The following OSCAR variants were observed in gnomAD, a reference collection of about 807,000 sequenced individuals.
The protein encoded by OSCAR is osteoclast associated Ig-like receptor, also known as osteoclast-associated immunoglobulin-like receptor.
In OSCAR, 25 loss-of-function variants were observed where a neutral mutation model predicts 27.3. The ratio of observed to expected loss-of-function variants is 0.92; its 90% CI spans 0.67 to 1.28. The LOEUF (loss-of-function observed/expected upper bound fraction) is 1.28. OSCAR is among the 50% of genes most tolerant of loss of function. The pLI, the probability that OSCAR is intolerant of heterozygous loss-of-function variation, is 0.00. For missense variants in OSCAR, 354 were observed against 355.1 expected, an observed-to-expected ratio of 1.00 and a Z score of 0.03; for synonymous variants, 158 against 165.7, an observed-to-expected ratio of 0.95 and a Z score of 0.36.
At chr19:54,099,276 A>G (rs967624419) in intron 2 of OSCAR, among the ~76,000 whole-genome samples, 4 of 117,518 alleles carry the variant, frequency 3.4e-5, no homozygotes, top group Admixed American at 1.1e-4. Context: ...GTTTCACCAC[A>G]TTAGCCAGGA....
intron 4 of OSCAR, 61 bp downstream of exon 4, chr19:54,095,810 CG>C (rs2072629332): frequency 6.5e-6 from 10 of 1,548,540 alleles, no homozygotes; most frequent in Non-Finnish European, 8.7e-6. Flanking sequence ...GGTCTGAGGG[CG>C]GAGGTCCTGG....
chr19:54,095,638 G>A (rs1272595360), intron 4 of OSCAR: 2 of 1,027,806 alleles, frequency 1.9e-6, no homozygotes, highest in Non-Finnish European at 2.8e-6. Context: ...AGGTACTGGG[G>A]CCCGGGAATC....
At chr19:54,099,900 C>T (rs1317003103) in intron 1 of OSCAR, 120 bp from the exon 2 acceptor site, 7 of 1,193,682 alleles carry the variant, frequency 5.9e-6, no homozygotes, top group Non-Finnish European at 4.6e-6. Context: ...GCAACCTCTG[C>T]CTCCCAGGTT....
rs1182038461 is a variant in OSCAR at position 54,095,931 on chromosome 19, G to T, written c.596C>A (p.Thr199Lys). ...APGTYSCYYH[T>K]PSAPYVLSQR... ...CGACAGCACGTAGGGCGCGGAGGGC[G>T]TGTGATAGTAGCAGCTGTAGGTGCC... The change falls in exon 4 of 5, where the codon ACG becomes AAG. Residue 199 changes from threonine to lysine, a missense_variant. Physicochemically the swap from Thr to Lys is moderately conservative, Grantham distance 78 (BLOSUM62 -1). Coordinates refer to ENST00000358375, the MANE Select transcript of OSCAR (RefSeq NM_133169.6). 6.3e-7 allele frequency: 1 copy of T among 1,585,848 alleles called. No homozygotes were observed. The highest frequency in any genetic ancestry group is 8.6e-7 in the Non-Finnish European group (1 of 1,166,412).
chr19:54,100,737 GAAGA>G lies in OSCAR; in HGVS notation c.37+15_37+18del. 1 of 1,551,438 alleles carries G rather than the reference GAAGA, an allele frequency of 6.4e-7. No individual in the cohort carries two copies. The highest frequency in any genetic ancestry group is 1.2e-5 in the South Asian group (1 of 84,050). On this transcript the variant is annotated intron_variant, in intron 1 of 4. Coordinates refer to ENST00000358375, the MANE Select transcript of OSCAR (RefSeq NM_133169.6). ...CCAACCCCAGCCAGGAACCCAGGGA[GAAGA>G]AAGGGGTGACTCACAGAGGGTCAGC...
Position 54,099,229 on chromosome 19 carries a change from A to ATTTTTTT in OSCAR, c.70+512_70+518dup, listed in dbSNP as rs1228940404. Reference sequence around the variant, plus strand: ...AGGTGCGTCCCACCACACCCGGCTAATTTTTTTTTTTTTTTTTTTTTTTTA... The same window carrying ATTTTTTT: ...AGGTGCGTCCCACCACACCCGGCTAATTTTTTTTTTTTTTTTTTTTTTTTTTTTTTTA... On this transcript the variant is annotated intron_variant, in intron 2 of 4. Transcript: ENST00000358375. Among the ~76,000 whole-genome samples the ATTTTTTT allele has an allele frequency of 9.6e-4, 79 of 82,410 alleles. 1 individual carries two copies. Among genetic ancestry groups the ATTTTTTT allele is most frequent in the East Asian group, 3.1e-3 (6 of 1,928 alleles). The allele number at this position is 82,410 out of a possible 152,430, so 54.1% of individuals were successfully genotyped here.
chr19:54,096,146 C>G lies in OSCAR; in HGVS notation c.381G>C (p.Leu127=). The change falls in exon 4 of 5, where the codon CTG becomes CTC. Residue 127 remains leucine (L), a synonymous_variant. Transcript: ENST00000358375. ...GCAGCGCCACCAGCGACGGCCGCGG[C>G]AGCTCCTCTGCAGAGACGGGGTGAG... ...DVLELLVTEE[L]PRPSLVALPG... The G allele has an allele frequency of 6.6e-7, 1 of 1,520,354 alleles. No individual in the cohort carries two copies. Among genetic ancestry groups the G allele is most frequent in the Non-Finnish European group, 8.8e-7 (1 of 1,141,090 alleles). 94.2% of individuals were successfully genotyped at this position (1,520,354 alleles called of 1,614,324 possible).
At chr19:54,098,339 T>C (rs1039248160) in intron 2 of OSCAR, among the ~76,000 whole-genome samples, 15 of 151,898 alleles carry the variant, frequency 9.9e-5, no homozygotes, top group African/African-American at 3.6e-4. Context: ...CCAAGGTGGG[T>C]GCATCACCTG....
chr19:54,098,955 C>T (rs1158374930), intron 2 of OSCAR, among the ~76,000 whole-genome samples: 1 of 151,644 alleles, frequency 6.6e-6, no homozygotes, highest in African/African-American at 2.4e-5. Flanking sequence ...TGCACTCCGG[C>T]CTGGGCGACA....
chr19:54,096,504 G>C (rs1198177764), intron 3 of OSCAR, among the ~76,000 whole-genome samples: 5 of 85,188 alleles, frequency 5.9e-5, no homozygotes, highest in African/African-American at 2.1e-4. Context: ...CTCTCTCTCT[G>C]CCTCCCTCTC....
In OSCAR at chr19:54,098,243, A is replaced by C. The variant is rs587644754; in HGVS notation, c.71-1079T>G. 3.9e-5 allele frequency among the ~76,000 whole-genome samples: 6 copies of C among 152,284 alleles called. No individual in the cohort carries two copies. The South Asian group carries it at 1.2e-3, about 32-fold the overall frequency. ...ACAAATGATAGTACTGGCAGATATC[A>C]CTTATTCACAAATCACACAAATTAA... On this transcript the variant is annotated intron_variant, in intron 2 of 4. Transcript: ENST00000358375.
intron 2 of OSCAR, among the ~76,000 whole-genome samples, chr19:54,098,670 T>C (rs1281486457): frequency 2.0e-5 from 3 of 151,728 alleles, no homozygotes; most frequent in African/African-American, 7.3e-5. Flanking sequence ...GGTGACACAA[T>C]GAGACCCCAT....
chr19:54,099,331 A>C (rs2072926408), intron 2 of OSCAR, among the ~76,000 whole-genome samples: 1 of 147,012 alleles, frequency 6.8e-6, no homozygotes, highest in African/African-American at 2.5e-5. Flanking sequence ...TGCCTCCCAA[A>C]GTGCTGGGAT....
At chr19:54,100,441 GC>G (rs2072990572) in intron 1 of OSCAR, among the ~76,000 whole-genome samples, 3 of 152,068 alleles carry the variant, frequency 2.0e-5, no homozygotes, top group Non-Finnish European at 4.4e-5. Flanking sequence ...CCTGTTCCCA[GC>G]CCCCTTTTCC....
At chr19:54,099,440 A>T in intron 2 of OSCAR, 1 of 823,208 alleles carries the variant, frequency 1.2e-6, no homozygotes, top group Non-Finnish European at 2.1e-6. Context: ...ATGAGATCTC[A>T]CAGCGGCCCA....
chr19:54,097,835 A>C (rs662133), intron 2 of OSCAR, among the ~76,000 whole-genome samples: 1 of 150,740 alleles, frequency 6.6e-6, no homozygotes, highest in Admixed American at 6.7e-5. Context: ...TCTTGGGCTC[A>C]AGCAATCCTC....
At position 54,097,584 on chromosome 19, in the gene OSCAR, C is replaced by CTTTTT. The variant is rs33998262; in HGVS notation, c.71-425_71-421dup. ...ACAAGCTTGTGCCACCACACCCAGA[C>CTTTTT]TTTTTTTTTTTTTTTTTTTTTTTTT... is the stretch of plus-strand genomic sequence containing the variant. On this transcript the variant is annotated intron_variant, in intron 2 of 4. Coordinates refer to ENST00000358375, the MANE Select transcript of OSCAR (RefSeq NM_133169.6). Among the ~76,000 whole-genome samples the CTTTTT allele has an allele frequency of 3.5e-3, 132 of 37,460 alleles. 12 individuals carry two copies. Among genetic ancestry groups the CTTTTT allele is most frequent in the African/African-American group, 0.012 (107 of 8,726 alleles). 24.6% of individuals were successfully genotyped at this position (37,460 alleles called of 152,430 possible).
Position 54,096,903 on chromosome 19 carries a change from A to C in OSCAR, c.332T>G (p.Val111Gly). 6.2e-7 allele frequency: 1 copy of C among 1,613,950 alleles called. No individual in the cohort carries two copies. The highest frequency in any genetic ancestry group is 8.5e-7 in the Non-Finnish European group (1 of 1,179,952). Residue 111 changes from valine to glycine, a missense_variant, in exon 3 of 5, where the codon GTC (valine) becomes GGC (glycine). Coordinates refer to ENST00000358375, the MANE Select transcript of OSCAR (RefSeq NM_133169.6). ...CYRRPDWGPG[V>G]WSQPSDVLEL... ...CAGGACATCGCTGGGCTGGGACCAG[A>C]CACCCGGCCCCCAGTCTGGCCTTCG...
rs1428427277 is a variant in OSCAR at position 54,096,867 on chromosome 19, A to G, written c.368T>C (p.Val123Ala). Residue 123 changes from valine to alanine, a missense_variant, in exon 3 of 5, where the codon GTG (valine) becomes GCG (alanine). Physicochemically the swap from Val to Ala is moderately conservative, Grantham distance 64. Coordinates refer to ENST00000358375, the MANE Select transcript of OSCAR (RefSeq NM_133169.6). ...CCCCGACCCCAGGACCTCACCTGTC[A>G]CCAGCAGCTCCAGGACATCGCTGGG... ...SQPSDVLELL[V>A]TEELPRPSLV... 5 of 1,612,508 alleles carry G rather than the reference A, an allele frequency of 3.1e-6. No homozygotes were observed. Among genetic ancestry groups the G allele is most frequent in the Non-Finnish European group, 4.2e-6 (5 of 1,179,202 alleles).
Sources: allele counts gnomAD v4.1 joint callset (sites outside exome capture counted in the v4.1 genomes callset), GRCh38; gene constraint gnomAD v4.1.1; transcripts MANE v1.5; gene names NCBI Gene and HGNC (gene_info 2026-07-23, HGNC 2026-07-21).